ARAP2: variants seen among roughly 807,000 people sequenced by gnomAD.
ARAP2 encodes the protein arf-GAP with Rho-GAP domain, ANK repeat and PH domain-containing protein 2.
Under a neutral mutation model 194.5 loss-of-function variants are expected in ARAP2, and 148 were observed. That is an observed-to-expected ratio of 0.76 (90% CI 0.67 to 0.87). The LOEUF (loss-of-function observed/expected upper bound fraction) is 0.87. Ranked by LOEUF, ARAP2 falls within the 40% of genes least tolerant of loss-of-function variation. ARAP2 has a pLI of 0.00. For missense variants in ARAP2, 2,128 were observed against 1,989.7 expected, an observed-to-expected ratio of 1.07 and a Z score of -1.32; for synonymous variants, 695 against 683.5, an observed-to-expected ratio of 1.02 and a Z score of -0.26.
chr4:36,036,411 T>C (rs999056906), intron 5 of ARAP2, among the ~76,000 whole-genome samples: 1 of 151,916 alleles, frequency 6.6e-6, no homozygotes, highest in Non-Finnish European at 1.5e-5. Context: ...TGATGTGTGT[T>C]AGTTTTTGAT....
chr4:36,222,664 G>C (rs1749435283), intron 2 of ARAP2, among the ~76,000 whole-genome samples: 1 of 151,962 alleles, frequency 6.6e-6, no homozygotes, highest in Non-Finnish European at 1.5e-5. Context: ...GAAGGAGGCA[G>C]AAAAGTTAGC....
At position 36,165,112 on chromosome 4, in the gene ARAP2, A is replaced by G. The variant is rs1734974252; in HGVS notation, c.1975T>C (p.Phe659Leu). 1 of 1,613,846 alleles carries G rather than the reference A, an allele frequency of 6.2e-7. No individual in the cohort carries two copies. The highest frequency in any genetic ancestry group is 8.5e-7 in the Non-Finnish European group (1 of 1,179,878). Residue 659 changes from phenylalanine (F) to leucine (L), a missense_variant and splice_region_variant, in exon 11 of 33, where the codon TTT becomes CTT. Coordinates refer to ENST00000303965, the MANE Select transcript of ARAP2 (RefSeq NM_015230.4). ...EIITPYRSFS[F>L]TAETEKEKQD... ...TTCTCCTTTTCAGTCTCGGCTGTAA[A>G]GCTGAAACAATTAACGTTTCTGTGT...
At chr4:36,037,689 G>A (rs922868692) in intron 5 of ARAP2, among the ~76,000 whole-genome samples, 4 of 152,042 alleles carry the variant, frequency 2.6e-5, no homozygotes, top group African/African-American at 9.7e-5. Context: ...GGTATCATTG[G>A]TTGCCTCGTG....
intron 28 of ARAP2, among the ~76,000 whole-genome samples, chr4:36,090,056 C>T (rs1334905011): frequency 6.6e-6 from 1 of 151,834 alleles, no homozygotes; most frequent in Non-Finnish European, 1.5e-5. Context: ...TAAACACAAT[C>T]AGAAACAATA....
chr4:36,068,065 CT>C lies in ARAP2; in HGVS notation c.4956del (p.Gly1653AlafsTer2). On this transcript the variant is annotated frameshift_variant, in exon 33 of 33. Transcript: ENST00000303965. LOFTEE classifies it low-confidence loss of function (END_TRUNC). ...TCAGTCTTCCTCAATGTCTTTAGGC[CT>C]TTATGGCCTTTTGGTTGCCCAAGTG... ...EAPLGQPKGH[K>X]GLKTLRKTED... 1 of 1,614,104 alleles carries C rather than the reference CT, an allele frequency of 6.2e-7. No individual in the cohort carries two copies. Among genetic ancestry groups the C allele is most frequent in the Non-Finnish European group, 8.5e-7 (1 of 1,179,988 alleles).
chr4:36,179,166 TACAG>T (rs1430028723), intron 8 of ARAP2, among the ~76,000 whole-genome samples: 1 of 152,060 alleles, frequency 6.6e-6, no homozygotes, highest in Admixed American at 6.5e-5. Flanking sequence ...ATTATAATAA[TACAG>T]ACAATGACAG....
chr4:36,038,313 A>G (rs1409300591), intron 5 of ARAP2, among the ~76,000 whole-genome samples: 2 of 152,192 alleles, frequency 1.3e-5, no homozygotes, highest in East Asian at 3.8e-4. Context: ...ACTTGTCTCA[A>G]AAGACTATAA....
In ARAP2 at chr4:36,087,908, C is replaced by A. The variant is rs1712346653; in HGVS notation, c.4425+3973G>T. 2.6e-5 allele frequency among the ~76,000 whole-genome samples: 4 copies of A among 152,032 alleles called. No homozygotes were observed. The South Asian group carries it at 8.3e-4, about 32-fold the overall frequency. ...CGCTTACTGTGTATGTGATTTTGGA[C>A]AAGTTATGTAATGTCTTTGAGAGTC... On this transcript the variant is annotated intron_variant, in intron 28 of 32. Coordinates refer to ENST00000303965, the MANE Select transcript of ARAP2 (RefSeq NM_015230.4).
chr4:36,146,201 A>T (rs932821835), intron 19 of ARAP2, among the ~76,000 whole-genome samples: 1 of 151,880 alleles, frequency 6.6e-6, no homozygotes, highest in South Asian at 2.1e-4. Flanking sequence ...TTCACGAAAC[A>T]TCCACTCACT....
intron 19 of ARAP2, among the ~76,000 whole-genome samples, chr4:36,134,532 C>G (rs1299451110): frequency 6.6e-6 from 1 of 151,686 alleles, no homozygotes; most frequent in Non-Finnish European, 1.5e-5. Context: ...TTTCCCAATT[C>G]TCAACCCCTG....
intron 7 of ARAP2, among the ~76,000 whole-genome samples, chr4:36,193,334 T>C (rs996805631): frequency 5.3e-5 from 8 of 152,216 alleles, no homozygotes; most frequent in African/African-American, 9.6e-5. Flanking sequence ...TGTTAGATTA[T>C]GAGCTACAAA....
At chr4:36,116,673 GCATT>G (rs1193796506) in intron 25 of ARAP2, among the ~76,000 whole-genome samples, 1 of 151,738 alleles carries the variant, frequency 6.6e-6, no homozygotes, top group Non-Finnish European at 1.5e-5. Context: ...GGTTTTACAT[GCATT>G]ATCTTATTGA....
chr4:36,065,480 C>T (rs995918810), downstream of ARAP2: 1 of 337,890 alleles, frequency 3.0e-6, no homozygotes, highest in South Asian at 2.3e-5. Context: ...GGGCTGGCTG[C>T]AGTCCCTAGA....
At chr4:36,089,763 C>T (rs962000299) in intron 28 of ARAP2, among the ~76,000 whole-genome samples, 2 of 151,996 alleles carry the variant, frequency 1.3e-5, no homozygotes, top group African/African-American at 4.8e-5. Flanking sequence ...CTATCCTTGC[C>T]ATAATTTTTA....
chr4:36,041,119 T>G (rs373504369), intron 5 of ARAP2, among the ~76,000 whole-genome samples: 1 of 152,072 alleles, frequency 6.6e-6, no homozygotes, highest in Non-Finnish European at 1.5e-5. Context: ...GTTCTCTTTA[T>G]GTAATTTGAT....
At chr4:36,161,775 C>G (rs1734021938) in intron 11 of ARAP2, among the ~76,000 whole-genome samples, 2 of 130,328 alleles carry the variant, frequency 1.5e-5, no homozygotes, top group Admixed American at 1.7e-4. Context: ...CAGCAATCAT[C>G]ATCAGCATCT....
intron 31 of ARAP2, 146 bp from the exon 32 acceptor site, chr4:36,073,969 C>G: frequency 2.9e-6 from 3 of 1,035,550 alleles, no homozygotes; most frequent in Non-Finnish European, 4.2e-6. Context: ...GATGTTGACT[C>G]TGGTGGCAGC....
Position 36,160,638 on chromosome 4 carries a change from A to G in ARAP2, c.2263T>C (p.Phe755Leu). ...GCTCTTTTGTTTCCAATGACAATAAAAAGCTGAATTGTCAAAAAAAAAACC... is the reference window on the plus strand; with the variant it reads ...GCTCTTTTGTTTCCAATGACAATAAGAAGCTGAATTGTCAAAAAAAAAACC... ...SIWSNELIEL[F>L]IVIGNKRAND... Residue 755 changes from phenylalanine (F) to leucine (L), a missense_variant, in exon 13 of 33, where the codon TTT becomes CTT. Coordinates refer to ENST00000303965, the MANE Select transcript of ARAP2 (RefSeq NM_015230.4). 2 of 1,416,978 alleles carry G rather than the reference A, an allele frequency of 1.4e-6. No individual in the cohort carries two copies. Among genetic ancestry groups the G allele is most frequent in the Non-Finnish European group, 1.8e-6 (2 of 1,098,240 alleles). The allele number at this position is 1,416,978 out of a possible 1,614,324, so 87.8% of individuals were successfully genotyped here.
chr4:36,131,312 A>G (rs1309362238), intron 20 of ARAP2, among the ~76,000 whole-genome samples: 1 of 150,854 alleles, frequency 6.6e-6, no homozygotes, highest in Non-Finnish European at 1.5e-5. Flanking sequence ...CTTTCAGTAG[A>G]TATATAATAC....
Sources: gnomAD v4.1 joint callset for allele counts (sites outside exome capture counted in the v4.1 genomes callset) on GRCh38, gnomAD v4.1.1 for gene constraint, MANE v1.5 for transcripts, NCBI Gene and HGNC (gene_info 2026-07-23, HGNC 2026-07-21) for gene names.